The following STXBP4 variants were observed in gnomAD, a reference collection of about 807,000 sequenced individuals.
STXBP4 encodes syntaxin binding protein 4.
A neutral mutation model predicts 76.1 loss-of-function variants in STXBP4; 55 were observed. The observed-to-expected ratio is 0.72, with a 90% CI of 0.58 to 0.91. The LOEUF (loss-of-function observed/expected upper bound fraction) is 0.91. Ranked by LOEUF, STXBP4 falls within the 40% of genes least tolerant of loss-of-function variation. STXBP4 has a pLI of 0.00. For missense variants in STXBP4, 618 were observed against 636.9 expected (o/e 0.97, Z 0.32); for synonymous variants, 201 against 220.2 (o/e 0.91, Z 0.77).
At position 55,126,644 on chromosome 17, in the gene STXBP4, A is replaced by T. The variant is rs369109916; in HGVS notation, c.1490-14666A>T. ...TTACATCAAAAGAAAGAATTTCTGG[A>T]TAGATCTCCCAACTGAAGAAATCCC... is the stretch of plus-strand genomic sequence containing the variant. On this transcript the variant is annotated intron_variant, in intron 16 of 17. Transcript: ENST00000376352. Among the ~76,000 whole-genome samples, 223 of 152,284 alleles carry T rather than the reference A, an allele frequency of 1.5e-3. 7 individuals are homozygous for T. The South Asian group carries it at 0.045, about 31-fold the overall frequency.
At position 55,163,902 on chromosome 17, in the gene STXBP4, T is replaced by C. The variant is rs776601423; in HGVS notation, c.*3991T>C. On this transcript the variant is annotated 3_prime_UTR_variant, in exon 18 of 18. Transcript: ENST00000376352. Reference sequence around the variant, plus strand: ...TAAATGCAAAGCAGCTGTCAAAATATAGAGTCAAGTGATACTTTCATAAAG... The same window carrying C: ...TAAATGCAAAGCAGCTGTCAAAATACAGAGTCAAGTGATACTTTCATAAAG... 4 of 152,584 alleles carry C rather than the reference T, an allele frequency of 2.6e-5. No individual in the cohort carries two copies. Among genetic ancestry groups the C allele is most frequent in the Non-Finnish European group, 5.9e-5 (4 of 68,024 alleles). The allele number at this position is 152,584 out of a possible 1,614,324, so 9.5% of individuals were successfully genotyped here. A position where few individuals can be genotyped will look rare whatever the true frequency, so the allele number is the denominator to read the frequency against.
chr17:55,142,351 T>C (rs2080103501), intron 17 of STXBP4, among the ~76,000 whole-genome samples: 2 of 152,186 alleles, frequency 1.3e-5, no homozygotes, highest in African/African-American at 2.4e-5. Flanking sequence ...AAAGTATACT[T>C]GGTATGCATT....
intron 9 of STXBP4, among the ~76,000 whole-genome samples, chr17:55,032,288 A>G (rs2078522981): frequency 6.6e-6 from 1 of 152,210 alleles, no homozygotes. Context: ...TGAAAAAAAG[A>G]TATTTTTCAT....
At chr17:55,001,721 C>G (rs1439882172) in intron 7 of STXBP4, among the ~76,000 whole-genome samples, 1 of 152,136 alleles carries the variant, frequency 6.6e-6, no homozygotes, top group African/African-American at 2.4e-5. Flanking sequence ...GAAGTTCCGC[C>G]TCCTGGGTTC....
chr17:55,048,380 T>TA (rs1460985569), intron 12 of STXBP4, among the ~76,000 whole-genome samples: 4 of 151,674 alleles, frequency 2.6e-5, no homozygotes, highest in Admixed American at 6.6e-5. Flanking sequence ...TTCTGTGAAA[T>TA]AAAAAAGTAT....
intron 1 of STXBP4, among the ~76,000 whole-genome samples, chr17:54,971,515 T>G (rs1231408588): frequency 2.0e-5 from 3 of 152,236 alleles, no homozygotes; most frequent in Admixed American, 6.5e-5. Context: ...CCCACCCTTA[T>G]GACCTCATTC....
chr17:55,196,884 C>G, the STXBP4 span, among the ~76,000 whole-genome samples: 27 of 152,180 alleles, frequency 1.8e-4, no homozygotes, highest in African/African-American at 6.5e-4. Flanking sequence ...ATATAAATAG[C>G]CAAGTCATAA....
intron 13 of STXBP4, among the ~76,000 whole-genome samples, chr17:55,074,567 A>G (rs2079158082): frequency 6.6e-6 from 1 of 152,158 alleles, no homozygotes; most frequent in Non-Finnish European, 1.5e-5. Flanking sequence ...TTAATATTTT[A>G]TTTTTAAATG....
At chr17:55,174,259 C>T (rs899422006), downstream of STXBP4, among the ~76,000 whole-genome samples, 2 of 152,206 alleles carry the variant, frequency 1.3e-5, no homozygotes, top group African/African-American at 4.8e-5. Flanking sequence ...TTTCAAGAAA[C>T]TTCCAAGCTG....
At chr17:55,073,968 A>G (rs1414990897) in intron 13 of STXBP4, among the ~76,000 whole-genome samples, 3 of 152,124 alleles carry the variant, frequency 2.0e-5, no homozygotes. Context: ...TACATAATAC[A>G]TACTATATTC....
chr17:55,027,217 G>A (rs1429408226), intron 8 of STXBP4, among the ~76,000 whole-genome samples: 2 of 152,170 alleles, frequency 1.3e-5, no homozygotes, highest in East Asian at 3.9e-4. Context: ...TCCTTCAGGT[G>A]GAGTCAGAGC....
chr17:55,064,028 C>A (rs1302103306), intron 12 of STXBP4, among the ~76,000 whole-genome samples: 1 of 152,134 alleles, frequency 6.6e-6, no homozygotes, highest in Non-Finnish European at 1.5e-5. Flanking sequence ...ATGTGAGAAA[C>A]ACTTTCTGTC....
the STXBP4 span, among the ~76,000 whole-genome samples, chr17:55,183,410 A>T: frequency 6.6e-6 from 1 of 152,184 alleles, no homozygotes; most frequent in South Asian, 2.1e-4. Context: ...AGACAGCAAG[A>T]CCCAGTCTCT....
chr17:55,181,508 C>G, the STXBP4 span, among the ~76,000 whole-genome samples: 1 of 152,114 alleles, frequency 6.6e-6, no homozygotes, highest in Admixed American at 6.6e-5. Flanking sequence ...ATTCACAGCC[C>G]AAGCCTGAAC....
intron 12 of STXBP4, among the ~76,000 whole-genome samples, chr17:55,055,160 A>G (rs1018642133): frequency 5.3e-5 from 8 of 152,144 alleles, no homozygotes; most frequent in African/African-American, 1.7e-4. Context: ...CAACATCACT[A>G]TCAAAGGCCC....
chr17:55,141,329 G>A lies in STXBP4; in HGVS notation c.1509G>A (p.Glu503=), dbSNP rs1317127252. 4 of 1,611,886 alleles carry A rather than the reference G, an allele frequency of 2.5e-6. No homozygotes were observed. The East Asian group carries it at 8.9e-5, about 36-fold the overall frequency. ...LDMDCLPYGW[E]EAYTADGIKY... ...CTGTAGGTTTACCTTATGGGTGGGA[G>A]GAAGCTTACACAGCAGATGGAATCA... The change falls in exon 17 of 18, where the codon GAG becomes GAA. Residue 503 remains glutamate, a synonymous_variant. Transcript: ENST00000376352.
At chr17:55,111,867 A>G (rs776299669) in intron 16 of STXBP4, among the ~76,000 whole-genome samples, 3 of 151,926 alleles carry the variant, frequency 2.0e-5, no homozygotes, top group Non-Finnish European at 4.4e-5. Flanking sequence ...TCAGACCTTC[A>G]CAAGACTCAC....
chr17:55,129,366 A>AT (rs922215235), intron 16 of STXBP4, among the ~76,000 whole-genome samples: 2 of 151,898 alleles, frequency 1.3e-5, no homozygotes, highest in Admixed American at 6.6e-5. Context: ...ATAGAAAACT[A>AT]TTTTTTTAAT....
intron 17 of STXBP4, among the ~76,000 whole-genome samples, chr17:55,153,730 T>C (rs2080241818): frequency 6.6e-6 from 1 of 152,198 alleles, no homozygotes; most frequent in Non-Finnish European, 1.5e-5. Context: ...AAGTAGCTTC[T>C]ACATTTTATG....
Sources: gnomAD v4.1 joint callset for allele counts (sites outside exome capture counted in the v4.1 genomes callset) on GRCh38, gnomAD v4.1.1 for gene constraint, MANE v1.5 for transcripts, NCBI Gene and HGNC (gene_info 2026-07-23, HGNC 2026-07-21) for gene names.